Variants in LRRTM4 observed in about 807,000 individuals in gnomAD.
LRRTM4 encodes leucine-rich repeat transmembrane neuronal protein 4.
LRRTM4 carries 25 observed loss-of-function variants against 47.6 expected under a neutral mutation model. The observed-to-expected ratio is 0.53, with a 90% CI of 0.38 to 0.73. The LOEUF (loss-of-function observed/expected upper bound fraction) is 0.73. Among genes scored for constraint, LRRTM4 ranks in the 30% least tolerant of loss-of-function variants. LRRTM4 has a pLI of 0.00. For synonymous variants in LRRTM4, 311 were observed against 269.5 expected (o/e 1.15, Z -1.51); for missense variants, 638 against 713.4 (o/e 0.89, Z 1.20).
chr2:77,485,170 A>C (rs1677860024), intron 3 of LRRTM4, among the ~76,000 whole-genome samples: 1 of 151,960 alleles, frequency 6.6e-6, no homozygotes, highest in Non-Finnish European at 1.5e-5. Context: ...TAAATATAAA[A>C]TATAGATATT....
chr2:77,096,115 A>G (rs1271433574), intron 3 of LRRTM4, among the ~76,000 whole-genome samples: 3 of 151,930 alleles, frequency 2.0e-5, no homozygotes, highest in African/African-American at 4.8e-5. Context: ...CATAGATCAA[A>G]TCATCATATT....
chr2:77,295,951 C>T (rs1454874213), intron 3 of LRRTM4, among the ~76,000 whole-genome samples: 2 of 152,194 alleles, frequency 1.3e-5, no homozygotes, highest in African/African-American at 4.8e-5. Flanking sequence ...CCATGACAAT[C>T]ATTTGATTTG....
chr2:77,243,782 T>TTA (rs1201574559), intron 3 of LRRTM4, among the ~76,000 whole-genome samples: 9 of 147,374 alleles, frequency 6.1e-5, no homozygotes, highest in Non-Finnish European at 7.5e-5. Context: ...CCTTTTTTTT[T>TTA]ATTATACTTT....
intron 3 of LRRTM4, among the ~76,000 whole-genome samples, chr2:76,873,533 TACAAC>T (rs1672698295): frequency 2.1e-5 from 3 of 145,180 alleles, no homozygotes; most frequent in Non-Finnish European, 3.0e-5. Context: ...TATATATATA[TACAAC>T]ATAGTTGTAA....
Position 76,974,255 on chromosome 2 carries a change from C to CATATATATATAT in LRRTM4, c.1552-225340_1552-225339insATATATATATAT, listed in dbSNP as rs1558771883. The stretch of plus-strand genomic sequence containing the variant: ...ATATATATATACATATATATATATA[C>CATATATATATAT]ACACACATACATATATATATGGATT... On this transcript the variant is annotated intron_variant, in intron 3 of 3. Transcript: ENST00000409884. 2.6e-3 allele frequency among the ~76,000 whole-genome samples: 356 copies of CATATATATATAT among 138,020 alleles called. 2 individuals are homozygous for CATATATATATAT. Among genetic ancestry groups the CATATATATATAT allele is most frequent in the African/African-American group, 9.5e-3 (339 of 35,872 alleles). 90.5% of individuals were successfully genotyped at this position (138,020 alleles called of 152,430 possible). A position where few individuals can be genotyped will look rare whatever the true frequency, so the allele number is the denominator to read the frequency against.
intron 3 of LRRTM4, among the ~76,000 whole-genome samples, chr2:77,362,332 T>C (rs1354787656): frequency 2.0e-5 from 3 of 152,142 alleles, no homozygotes; most frequent in Non-Finnish European, 4.4e-5. Context: ...TTCTAGTATA[T>C]GAGACTGGTG....
intron 3 of LRRTM4, among the ~76,000 whole-genome samples, chr2:77,273,019 G>C (rs1018999661): frequency 6.6e-6 from 1 of 152,088 alleles, no homozygotes; most frequent in African/African-American, 2.4e-5. Flanking sequence ...TACTTTTTTA[G>C]TGAATTCCAT....
chr2:77,199,391 T>C (rs1298406211), intron 3 of LRRTM4, among the ~76,000 whole-genome samples: 1 of 152,152 alleles, frequency 6.6e-6, no homozygotes, highest in African/African-American at 2.4e-5. Flanking sequence ...TGATCTTAGA[T>C]ATATTGGCTC....
intron 3 of LRRTM4, among the ~76,000 whole-genome samples, chr2:77,456,767 A>G (rs1251020769): frequency 6.6e-6 from 1 of 151,728 alleles, no homozygotes; most frequent in East Asian, 1.9e-4. Context: ...GCCTGATCTT[A>G]TCTTATTCTG....
intron 3 of LRRTM4, among the ~76,000 whole-genome samples, chr2:77,382,327 A>G (rs567677658): frequency 3.9e-5 from 6 of 152,228 alleles, no homozygotes; most frequent in Admixed American, 3.3e-4. Context: ...GCTTTTAACC[A>G]TATAATTTCT....
At chr2:76,837,932 G>A (rs1200822513) in intron 3 of LRRTM4, among the ~76,000 whole-genome samples, 1 of 146,406 alleles carries the variant, frequency 6.8e-6, no homozygotes, top group Non-Finnish European at 1.5e-5. Context: ...TCTGGGGACT[G>A]TTGTGGGGTG....
intron 3 of LRRTM4, among the ~76,000 whole-genome samples, chr2:77,174,350 G>A (rs553217580): frequency 1.6e-4 from 25 of 152,146 alleles, no homozygotes; most frequent in Admixed American, 5.2e-4. Context: ...CAGGCCACTG[G>A]GTTTTGGAGG....
chr2:77,223,474 C>T (rs1322174484), intron 3 of LRRTM4, among the ~76,000 whole-genome samples: 1 of 152,120 alleles, frequency 6.6e-6, no homozygotes, highest in Non-Finnish European at 1.5e-5. Context: ...TGTCTCAGCC[C>T]AAAATCTCCT....
chr2:76,995,068 G>T (rs544786802), intron 3 of LRRTM4, among the ~76,000 whole-genome samples: 1 of 151,974 alleles, frequency 6.6e-6, no homozygotes, highest in Non-Finnish European at 1.5e-5. Flanking sequence ...ATTGGTAGGA[G>T]AAATTTGACT....
intron 3 of LRRTM4, among the ~76,000 whole-genome samples, chr2:77,166,538 C>T (rs1192142948): frequency 1.3e-5 from 2 of 152,126 alleles, no homozygotes; most frequent in Non-Finnish European, 2.9e-5. Context: ...AGGCATTATG[C>T]TACCTGACTT....
intron 3 of LRRTM4, among the ~76,000 whole-genome samples, chr2:76,983,129 A>G (rs953531187): frequency 1.3e-5 from 2 of 152,098 alleles, no homozygotes; most frequent in Non-Finnish European, 2.9e-5. Flanking sequence ...AAAATGGTAA[A>G]GACCACTCAT....
At chr2:77,165,795 T>C (rs1017236198) in intron 3 of LRRTM4, among the ~76,000 whole-genome samples, 2 of 152,226 alleles carry the variant, frequency 1.3e-5, no homozygotes, top group African/African-American at 4.8e-5. Flanking sequence ...AATTAGGTAT[T>C]GATGGGACGT....
At chr2:76,886,043 A>C (rs1178909802) in intron 3 of LRRTM4, among the ~76,000 whole-genome samples, 1 of 152,202 alleles carries the variant, frequency 6.6e-6, no homozygotes, top group African/African-American at 2.4e-5. Context: ...AGAATTGCTC[A>C]ACATTTTATC....
Position 77,304,626 on chromosome 2 carries a change from G to A in LRRTM4, c.1551+213692C>T, listed in dbSNP as rs1358482421. 2.0e-5 allele frequency among the ~76,000 whole-genome samples: 3 copies of A among 152,094 alleles called. 1 individual carries two copies. The South Asian group carries it at 6.2e-4, about 31-fold the overall frequency. ...GCTCTTGTCTCTGATTTATGACAAT[G>A]GCTATCAGTTATGTGTACTAATGCC... On this transcript the variant is annotated intron_variant, in intron 3 of 3. Transcript: ENST00000409884.
Sources: gnomAD v4.1 joint callset for allele counts (sites outside exome capture counted in the v4.1 genomes callset) on GRCh38, gnomAD v4.1.1 for gene constraint, MANE v1.5 for transcripts, NCBI Gene and HGNC (gene_info 2026-07-23, HGNC 2026-07-21) for gene names.